The following TEX261 variants were observed in gnomAD, a reference collection of about 807,000 sequenced individuals.
TEX261 encodes the protein testis expressed 261.
A neutral mutation model predicts 25.1 loss-of-function variants in TEX261; 13 were observed. That is an observed-to-expected ratio of 0.52 (90% CI 0.34 to 0.82). The LOEUF (loss-of-function observed/expected upper bound fraction) is 0.82. Ranked by LOEUF, TEX261 falls within the 40% of genes least tolerant of loss-of-function variation. The pLI is 0.02. For missense variants in TEX261, 206 were observed against 243.2 expected (o/e 0.85, Z 1.02); for synonymous variants, 92 against 97.8 (o/e 0.94, Z 0.35).
chr2:70,989,923 C>A, intron 3 of TEX261, 107 bp from the exon 4 acceptor site: 2 of 791,254 alleles, frequency 2.5e-6, no homozygotes, highest in Non-Finnish European at 4.4e-6. Flanking sequence ...AGTCTTAGGC[C>A]TGACTTTACA....
chr2:70,989,858 C>A, intron 3 of TEX261, 42 bp from the exon 4 acceptor site: 1 of 1,478,958 alleles, frequency 6.8e-7, no homozygotes, highest in Non-Finnish European at 9.5e-7. Context: ...AGGGGAATAA[C>A]AGAAAGCTGT....
chr2:70,991,715 C>A, intron 3 of TEX261, 115 bp downstream of exon 3: 2 of 1,302,714 alleles, frequency 1.5e-6, no homozygotes, highest in Non-Finnish European at 2.1e-6. Context: ...ACTAGCCTGG[C>A]TTCCTGGAGG....
chr2:70,993,765 G>A lies in TEX261; in HGVS notation c.81C>T (p.Leu27=). Residue 27 remains leucine, a synonymous_variant, in exon 2 of 6, where the codon CTC becomes CTT. Transcript: ENST00000272438. ...CTTCTATCAGTTCTGCCAGGTAATAGAGTCCAGCCGCTGCAGGGTGGGAGG... is the reference window on the plus strand; with the variant it reads ...CTTCTATCAGTTCTGCCAGGTAATAAAGTCCAGCCGCTGCAGGGTGGGAGG... The part of the protein sequence containing the change: ...AFITLAVAAG[L]YYLAELIEEY... The A allele has an allele frequency of 6.2e-7, 1 of 1,612,682 alleles. No homozygotes were observed. The highest frequency in any genetic ancestry group is 1.1e-5 in the South Asian group (1 of 91,018).
rs1293944805 is a variant in TEX261, at chr2:70,994,826, GCCGCCA to G, written c.-75_-70del. ...CGCGCTTCGGCTCCGGCGACACACA[GCCGCCA>G]CCGCCGCCGCCGCCGCCGCGTCCCC... On this transcript the variant is annotated 5_prime_UTR_variant, in exon 1 of 6. Transcript: ENST00000272438. 13 of 1,286,104 alleles carry G rather than the reference GCCGCCA, an allele frequency of 1.0e-5. No individual in the cohort carries two copies. The highest frequency in any genetic ancestry group is 1.6e-5 in the African/African-American group (1 of 62,510). 79.7% of individuals were successfully genotyped at this position (1,286,104 alleles called of 1,614,324 possible). A position where few individuals can be genotyped will look rare whatever the true frequency, so the allele number is the denominator to read the frequency against.
chr2:70,994,754 A>G lies in TEX261; in HGVS notation c.4T>C (p.Trp2Arg). ...AGCCAGCTCAGCAGGTACATGAACC[A>G]CATGGCGCCCCCACCCGCCCGCTCC... is the stretch of plus-strand genomic sequence containing the variant. Reference protein sequence around the residue: MWFMYLLSWLSL... With the variant: MRFMYLLSWLSL... Residue 2 changes from tryptophan to arginine, a missense_variant, in exon 1 of 6, where the codon TGG (tryptophan) becomes CGG (arginine). Transcript: ENST00000272438. The G allele has an allele frequency of 6.3e-7, 1 of 1,595,548 alleles. No individual in the cohort carries two copies. The highest frequency in any genetic ancestry group is 8.5e-7 in the Non-Finnish European group (1 of 1,173,126).
In TEX261 at chr2:70,991,953, C is replaced by T. The variant is rs782474395; in HGVS notation, c.181G>A (p.Val61Ile). The change falls in exon 3 of 6, where the codon GTC becomes ATC. Residue 61 changes from valine (V) to isoleucine (I), a missense_variant. Val to Ile is a conservative substitution (Grantham distance 29). Transcript: ENST00000272438. ...ATGCTGGTGGGGAAGCGCTCAAAGA[C>T]GTAGAGGCCAATCAGTACAGCGGTG... ...FSTAVLIGLYVFERFPTSMIG... is the reference protein window; with the variant it reads ...FSTAVLIGLYIFERFPTSMIG... 1.9e-5 allele frequency: 31 copies of T among 1,611,504 alleles called. No homozygotes were observed. Among genetic ancestry groups the T allele is most frequent in the African/African-American group, 2.7e-5 (2 of 74,844 alleles).
rs1411502690 is a variant in TEX261, at chr2:70,994,797, C to T, written c.-40G>A. On this transcript the variant is annotated 5_prime_UTR_variant, in exon 1 of 6. Coordinates refer to ENST00000272438, the MANE Select transcript of TEX261 (RefSeq NM_144582.3). ...CCCGCTCCCCGGCCACCGGGACGGG[C>T]CTGCGCGCTTCGGCTCCGGCGACAC... The T allele has an allele frequency of 2.0e-6, 3 of 1,505,694 alleles. No individual in the cohort carries two copies. The highest frequency in any genetic ancestry group is 1.4e-5 in the African/African-American group (1 of 69,436). The allele number at this position is 1,505,694 out of a possible 1,614,324, so 93.3% of individuals were successfully genotyped here.
At chr2:70,989,038 GAAGAGGGTGCCCCGGAGGTGCC>G in intron 4 of TEX261, 21 bp from the exon 5 acceptor site, 1 of 1,605,774 alleles carries the variant, frequency 6.2e-7, no homozygotes. Flanking sequence ...GAGAGACTGA[GAAGAGGGTGCCCCGGAGGTGCC>G]AAGAGTGGGC....
chr2:70,987,244 C>T lies in TEX261; in HGVS notation c.*1356G>A, dbSNP rs1399977507. 2.6e-5 allele frequency: 4 copies of T among 152,078 alleles called. No homozygotes were observed. Among genetic ancestry groups the T allele is most frequent in the African/African-American group, 9.7e-5 (4 of 41,386 alleles). 9.4% of individuals were successfully genotyped at this position (152,078 alleles called of 1,614,324 possible). A position where few individuals can be genotyped will look rare whatever the true frequency, so the allele number is the denominator to read the frequency against. ...CAATCTCGTTCACACTAAGAGGAGA[C>T]CAACATGTGCTCTTCCTCTCAGGGA... On this transcript the variant is annotated 3_prime_UTR_variant, in exon 6 of 6. Transcript: ENST00000272438.
intron 3 of TEX261, among the ~76,000 whole-genome samples, chr2:70,991,186 T>C (rs1553425596): frequency 6.6e-6 from 1 of 152,212 alleles, no homozygotes; most frequent in African/African-American, 2.4e-5. Context: ...AGTCTCCCAA[T>C]AGTTCTTTCA....
Position 70,988,721 on chromosome 2 carries a change from G to A in TEX261, c.476-6C>T. 5 of 1,610,048 alleles carry A rather than the reference G, an allele frequency of 3.1e-6. No homozygotes were observed. The highest frequency in any genetic ancestry group is 4.3e-6 in the Non-Finnish European group (5 of 1,176,296). On this transcript the variant is annotated splice_region_variant and splice_polypyrimidine_tract_variant and intron_variant, in intron 5 of 5. Transcript: ENST00000272438. ...ATAATTGGAGACGACATCATCTGTGGAGATACAGGCAAGAATATGAGAGAG... is the reference window on the plus strand; with the variant it reads ...ATAATTGGAGACGACATCATCTGTGAAGATACAGGCAAGAATATGAGAGAG...
In TEX261 at chr2:70,989,802, TCAC is replaced by T; in HGVS notation, c.316_318del (p.Val106del). The T allele has an allele frequency of 6.2e-7, 1 of 1,612,340 alleles. No homozygotes were observed. Among genetic ancestry groups the T allele is most frequent in the Non-Finnish European group, 8.5e-7 (1 of 1,178,374 alleles). On this transcript the variant is annotated inframe_deletion, in exon 4 of 6. Coordinates refer to ENST00000272438, the MANE Select transcript of TEX261 (RefSeq NM_144582.3). ...AAAAACTGAAATGCTAGGTAATGAT[TCAC>T]CACCACTAGTCCTGTTGAGGGAATG... is the stretch of plus-strand genomic sequence containing the variant.
chr2:70,993,788 A>C lies in TEX261; in HGVS notation c.71-13T>G, dbSNP rs1553425916. 6.2e-7 allele frequency: 1 copy of C among 1,609,212 alleles called. No homozygotes were observed. The highest frequency in any genetic ancestry group is 8.5e-7 in the Non-Finnish European group (1 of 1,177,264). ...TAGAGTCCAGCCGCTGCAGGGTGGG[A>C]GGCAGGGAGACTATCAGCCAGGGTC... is the stretch of plus-strand genomic sequence containing the variant. On this transcript the variant is annotated splice_polypyrimidine_tract_variant and intron_variant, in intron 1 of 5. Coordinates refer to ENST00000272438, the MANE Select transcript of TEX261 (RefSeq NM_144582.3).
intron 2 of TEX261, among the ~76,000 whole-genome samples, chr2:70,992,821 T>C (rs1670330231): frequency 6.6e-6 from 1 of 152,156 alleles, no homozygotes; most frequent in African/African-American, 2.4e-5. Context: ...TTCAATTCTA[T>C]TTATGTTCCT....
At chr2:70,993,228 G>A (rs1670337509) in intron 2 of TEX261, among the ~76,000 whole-genome samples, 1 of 152,246 alleles carries the variant, frequency 6.6e-6, no homozygotes. Flanking sequence ...AGTAAGAGAA[G>A]CCTCCCATGA....
intron 3 of TEX261, among the ~76,000 whole-genome samples, chr2:70,990,255 C>T (rs534026051): frequency 1.3e-5 from 2 of 151,488 alleles, no homozygotes; most frequent in Admixed American, 1.3e-4. Context: ...ACAAACTGGG[C>T]AGCAAGGAGA....
chr2:70,988,427 G>T lies in TEX261; in HGVS notation c.*173C>A. 1.7e-6 allele frequency: 1 copy of T among 605,462 alleles called. No homozygotes were observed. Among genetic ancestry groups the T allele is most frequent in the Non-Finnish European group, 2.9e-6 (1 of 339,642 alleles). 37.5% of individuals were successfully genotyped at this position (605,462 alleles called of 1,614,324 possible). On this transcript the variant is annotated 3_prime_UTR_variant, in exon 6 of 6. Coordinates refer to ENST00000272438, the MANE Select transcript of TEX261 (RefSeq NM_144582.3). ...GAGGTTACAGCCTCTTGAAGCATCA[G>T]ATCTGAGCCAAGCTGAGCCCCCCAA...
At position 70,988,164 on chromosome 2, in the gene TEX261, A is replaced by C. The variant is rs1553425118; in HGVS notation, c.*436T>G. ...TATTCAAACGGAAATCTGCACTTGG[A>C]CAGAAATCACCGTTCAACAGCAAAA... On this transcript the variant is annotated 3_prime_UTR_variant, in exon 6 of 6. Coordinates refer to ENST00000272438, the MANE Select transcript of TEX261 (RefSeq NM_144582.3). 1 of 175,726 alleles carries C rather than the reference A, an allele frequency of 5.7e-6. No individual in the cohort carries two copies. Among genetic ancestry groups the C allele is most frequent in the East Asian group, 1.7e-4 (1 of 6,018 alleles). 10.9% of individuals were successfully genotyped at this position (175,726 alleles called of 1,614,324 possible). A position where few individuals can be genotyped will look rare whatever the true frequency, so the allele number is the denominator to read the frequency against.
chr2:70,992,146 A>AT (rs112462352), intron 2 of TEX261, among the ~76,000 whole-genome samples, 163 bp from the exon 3 acceptor site: 26,671 of 136,550 alleles, frequency 0.2, 2,665 homozygotes, highest in Middle Eastern at 0.25. Flanking sequence ...AAAAGGCAAC[A>AT]TTTTTTTTTT....
Sources: allele counts gnomAD v4.1 joint callset (sites outside exome capture counted in the v4.1 genomes callset), GRCh38; gene constraint gnomAD v4.1.1; transcripts MANE v1.5; gene names NCBI Gene and HGNC (gene_info 2026-07-23, HGNC 2026-07-21).